The following KLHL42 variants were observed in gnomAD, a reference collection of about 807,000 sequenced individuals.
KLHL42 encodes kelch like family member 42, also known as kelch-like protein 42.
In KLHL42, 27 loss-of-function variants were observed where a neutral mutation model predicts 32.7. That is an observed-to-expected ratio of 0.83 (90% CI 0.61 to 1.14). KLHL42 has a LOEUF of 1.14. Among genes scored for constraint, KLHL42 ranks in the 50% most tolerant of loss-of-function variants. The probability of loss-of-function intolerance (pLI) is 0.00; values close to 1 mark genes in which losing one functional copy is unlikely to be tolerated. For missense variants in KLHL42, 491 were observed against 560.8 expected (o/e 0.88, Z 1.26); for synonymous variants, 267 against 248.2 (o/e 1.08, Z -0.71).
rs576649164 is a variant in KLHL42, at chr12:27,798,985, A to T, written c.*819A>T. The T allele has an allele frequency of 1.0e-4, 16 of 152,708 alleles. No homozygotes were observed. In the South Asian group the frequency reaches 3.3e-3, roughly 32 times the overall value. 9.5% of individuals were successfully genotyped at this position (152,708 alleles called of 1,614,324 possible). A position where few individuals can be genotyped will look rare whatever the true frequency, so the allele number is the denominator to read the frequency against. ...AATATTATTAAAAATTGAGTCTTAA[A>T]TTTAAATGGGAAGGGAAGAAAACAC... On this transcript the variant is annotated 3_prime_UTR_variant, in exon 3 of 3. Coordinates refer to ENST00000381271, the MANE Select transcript of KLHL42 (RefSeq NM_020782.2).
intron 2 of KLHL42, among the ~76,000 whole-genome samples, chr12:27,793,115 A>G (rs1305735468): frequency 6.6e-6 from 1 of 152,164 alleles, no homozygotes; most frequent in Admixed American, 6.5e-5. Flanking sequence ...ATAGAGAACA[A>G]TGTAGTTGTT....
chr12:27,797,135 A>AAC (rs2062222430), intron 2 of KLHL42: 4 of 336,002 alleles, frequency 1.2e-5, no homozygotes, highest in Non-Finnish European at 2.4e-5. Flanking sequence ...AAAAAAAAAC[A>AAC]AAAAAAAAAC....
intron 2 of KLHL42, among the ~76,000 whole-genome samples, chr12:27,793,235 C>T (rs984427035): frequency 3.3e-5 from 5 of 151,834 alleles, no homozygotes; most frequent in African/African-American, 1.2e-4. Flanking sequence ...AGCAAGACAC[C>T]TTCTCTAAAA....
Position 27,800,703 on chromosome 12 carries a change from G to T in KLHL42, c.*2537G>T. ...AGCCTGGGCGACAGTGCAAGACTCTGTCTCCAAAAAAAAAAAAAGAAAAAA... is the reference window on the plus strand; with the variant it reads ...AGCCTGGGCGACAGTGCAAGACTCTTTCTCCAAAAAAAAAAAAAGAAAAAA... On this transcript the variant is annotated 3_prime_UTR_variant, in exon 3 of 3. Transcript: ENST00000381271. 1 of 146,946 alleles carries T rather than the reference G, an allele frequency of 6.8e-6. No individual in the cohort carries two copies. The highest frequency in any genetic ancestry group is 1.5e-5 in the Non-Finnish European group (1 of 67,442). 9.1% of individuals were successfully genotyped at this position (146,946 alleles called of 1,614,324 possible). A position where few individuals can be genotyped will look rare whatever the true frequency, so the allele number is the denominator to read the frequency against.
Position 27,780,378 on chromosome 12 carries a change from C to G in KLHL42, c.48C>G (p.Tyr16Ter), listed in dbSNP as rs763009034. Residue 16 changes from tyrosine to a stop codon, truncating the protein, a stop_gained, in exon 1 of 3, where the codon TAC (tyrosine) becomes TAG (stop). Transcript: ENST00000381271. LOFTEE classifies it high-confidence loss of function. The surrounding 1 kb of genome is among the most constrained non-coding windows in gnomAD (Gnocchi z 8.8). ...AGATCCGCCTGGAGGACCGCTGCTA[C>G]CCGGTGAGCAAGAGGAAGCTCATCG... ...MVQIRLEDRCYPVSKRKLIEQ... is the reference protein window; with the variant it reads ...MVQIRLEDRC The G allele has an allele frequency of 1.9e-6, 3 of 1,581,690 alleles. No homozygotes were observed. The highest frequency in any genetic ancestry group is 2.6e-6 in the Non-Finnish European group (3 of 1,166,412).
chr12:27,800,031 C>G lies in KLHL42; in HGVS notation c.*1865C>G, dbSNP rs552834023. Reference sequence around the variant, plus strand: ...TTTCCAGTGACCTGTAATTTCATTACATATATTTTAAAATCTATTTATTTT... The same window carrying G: ...TTTCCAGTGACCTGTAATTTCATTAGATATATTTTAAAATCTATTTATTTT... On this transcript the variant is annotated 3_prime_UTR_variant, in exon 3 of 3. Coordinates refer to ENST00000381271, the MANE Select transcript of KLHL42 (RefSeq NM_020782.2). 2 of 926,516 alleles carry G rather than the reference C, an allele frequency of 2.2e-6. No homozygotes were observed. The highest frequency in any genetic ancestry group is 2.6e-6 in the Non-Finnish European group (2 of 776,380). The allele number at this position is 926,516 out of a possible 1,614,324, so 57.4% of individuals were successfully genotyped here. A position where few individuals can be genotyped will look rare whatever the true frequency, so the allele number is the denominator to read the frequency against.
Position 27,780,782 on chromosome 12 carries a change from G to C in KLHL42, c.452G>C (p.Arg151Pro), listed in dbSNP as rs1453186931. Residue 151 changes from arginine (R) to proline (P), a missense_variant, in exon 1 of 3, where the codon CGC (arginine) becomes CCC (proline). Arg to Pro is a moderately radical substitution (Grantham distance 103). Around this residue, in one of 4 missense-constraint regions of KLHL42, gnomAD observed 248 missense variants for 329.2 expected, o/e 0.75. Coordinates refer to ENST00000381271, the MANE Select transcript of KLHL42 (RefSeq NM_020782.2). The surrounding 1 kb of genome is among the most constrained non-coding windows in gnomAD (Gnocchi z 8.8). Reference protein sequence around the residue: ...GLPDLQEACLRFMVVHFHEVL... With the variant: ...GLPDLQEACLPFMVVHFHEVL... ...CCCGACCTGCAGGAGGCCTGCCTGC[G>C]CTTCATGGTCGTCCACTTCCACGAG... The C allele has an allele frequency of 6.2e-7, 1 of 1,613,634 alleles. No homozygotes were observed. The highest frequency in any genetic ancestry group is 8.5e-7 in the Non-Finnish European group (1 of 1,180,020).
intron 2 of KLHL42, 132 bp from the exon 3 acceptor site, chr12:27,797,583 A>G (rs1565485001): frequency 1.5e-6 from 1 of 653,352 alleles, no homozygotes; most frequent in East Asian, 2.5e-5. Context: ...CTGTTTTTCT[A>G]ACTTGTGCTT....
intron 1 of KLHL42, among the ~76,000 whole-genome samples, chr12:27,789,069 G>A (rs934716504): frequency 1.3e-5 from 2 of 152,226 alleles, no homozygotes; most frequent in South Asian, 4.1e-4. Context: ...CACAGTCAGT[G>A]ACTGTTGCAG....
rs148784628 is a variant in KLHL42, at chr12:27,790,528, G to A, written c.873-1180G>A. On this transcript the variant is annotated intron_variant, in intron 1 of 2. Transcript: ENST00000381271. ...AGTTTATCCTTCCTGCCTTTTGTGTGCTATATCGAAACAAATTAATTTTGT... is the reference window on the plus strand; with the variant it reads ...AGTTTATCCTTCCTGCCTTTTGTGTACTATATCGAAACAAATTAATTTTGT... 1.7e-3 allele frequency among the ~76,000 whole-genome samples: 254 copies of A among 152,292 alleles called. 1 individual carries two copies. The highest frequency in any genetic ancestry group is 5.9e-3 in the African/African-American group (245 of 41,552).
Position 27,795,054 on chromosome 12 carries a change from CGT to C in KLHL42, c.1067-2650_1067-2649del, listed in dbSNP as rs763134827. Among the ~76,000 whole-genome samples, 386 of 152,038 alleles carry C rather than the reference CGT, an allele frequency of 2.5e-3. 2 individuals are homozygous for C. Among genetic ancestry groups the C allele is most frequent in the African/African-American group, 8.9e-3 (367 of 41,458 alleles). Reference sequence around the variant, plus strand: ...TGTTTATGTAGTAATCCCCCTCTCTCGTGTGTGTGTGTATATGTGTGTGTCTT... The same window carrying C: ...TGTTTATGTAGTAATCCCCCTCTCTCGTGTGTGTGTATATGTGTGTGTCTT... On this transcript the variant is annotated intron_variant, in intron 2 of 2. Coordinates refer to ENST00000381271, the MANE Select transcript of KLHL42 (RefSeq NM_020782.2).
At position 27,799,213 on chromosome 12, in the gene KLHL42, T is replaced by C. The variant is rs1456912157; in HGVS notation, c.*1047T>C. On this transcript the variant is annotated 3_prime_UTR_variant, in exon 3 of 3. Transcript: ENST00000381271. ...TTGTGCTGGAGTGAGGGGAAGAAGCTGTTACAGAAGTGGAATGGTTTCTGG... is the reference window on the plus strand; with the variant it reads ...TTGTGCTGGAGTGAGGGGAAGAAGCCGTTACAGAAGTGGAATGGTTTCTGG... The C allele has an allele frequency of 6.6e-6, 1 of 152,212 alleles. No homozygotes were observed. The highest frequency in any genetic ancestry group is 2.4e-5 in the African/African-American group (1 of 41,444). The allele number at this position is 152,212 out of a possible 1,614,324, so 9.4% of individuals were successfully genotyped here.
At chr12:27,788,765 A>G (rs1452762353) in intron 1 of KLHL42, among the ~76,000 whole-genome samples, 3 of 152,206 alleles carry the variant, frequency 2.0e-5, no homozygotes, top group Admixed American at 2.0e-4. Flanking sequence ...GTTTTATCCA[A>G]TTTTCTCACT....
At chr12:27,783,775 G>C (rs542827564) in intron 1 of KLHL42, among the ~76,000 whole-genome samples, 90 of 152,078 alleles carry the variant, frequency 5.9e-4, no homozygotes, top group African/African-American at 2.0e-3. Flanking sequence ...TAGTAGAGAC[G>C]GGGTTTCACT....
rs1241872783 is a variant in KLHL42 at position 27,802,213 on chromosome 12, CTT to C, written c.*4049_*4050del. 1 of 152,066 alleles carries C rather than the reference CTT, an allele frequency of 6.6e-6. No individual in the cohort carries two copies. The highest frequency in any genetic ancestry group is 1.5e-5 in the Non-Finnish European group (1 of 68,026). The allele number at this position is 152,066 out of a possible 1,614,324, so 9.4% of individuals were successfully genotyped here. On this transcript the variant is annotated 3_prime_UTR_variant, in exon 3 of 3. Transcript: ENST00000381271. ...TGAAAAAGTGAAAATCACATATAATCTTTATTTAAAAATGCTCACCAAGCACT... is the reference window on the plus strand; with the variant it reads ...TGAAAAAGTGAAAATCACATATAATCTATTTAAAAATGCTCACCAAGCACT...
rs2062245836 is a variant in KLHL42 at position 27,801,186 on chromosome 12, G to C, written c.*3020G>C. On this transcript the variant is annotated 3_prime_UTR_variant, in exon 3 of 3. Transcript: ENST00000381271. ...TCTTAAGATTAGAATGAGAACCAAA[G>C]AGAATTTAACCCTGCCATTTTTTTT... The C allele has an allele frequency of 6.6e-6, 1 of 150,482 alleles. No individual in the cohort carries two copies. Among genetic ancestry groups the C allele is most frequent in the African/African-American group, 2.5e-5 (1 of 40,110 alleles). 9.3% of individuals were successfully genotyped at this position (150,482 alleles called of 1,614,324 possible). A position where few individuals can be genotyped will look rare whatever the true frequency, so the allele number is the denominator to read the frequency against.
At chr12:27,782,565 C>CA (rs1423596717) in intron 1 of KLHL42, among the ~76,000 whole-genome samples, 2 of 152,152 alleles carry the variant, frequency 1.3e-5, no homozygotes, top group East Asian at 3.9e-4. Context: ...AACAAAGGAA[C>CA]ATTGTGTGGC....
intron 1 of KLHL42, among the ~76,000 whole-genome samples, chr12:27,785,354 C>A (rs1462250156): frequency 6.6e-6 from 1 of 152,088 alleles, no homozygotes; most frequent in Non-Finnish European, 1.5e-5. Context: ...CATGCAACAC[C>A]ATGCTTGGTT....
In KLHL42 at chr12:27,801,515, T is replaced by C. The variant is rs2062247434; in HGVS notation, c.*3349T>C. 1 of 152,172 alleles carries C rather than the reference T, an allele frequency of 6.6e-6. No individual in the cohort carries two copies. The highest frequency in any genetic ancestry group is 1.5e-5 in the Non-Finnish European group (1 of 68,032). The allele number at this position is 152,172 out of a possible 1,614,324, so 9.4% of individuals were successfully genotyped here. A position where few individuals can be genotyped will look rare whatever the true frequency, so the allele number is the denominator to read the frequency against. Reference sequence around the variant, plus strand: ...GATCACTCAAGAGGCAGCATAGCAATGTAAAAGGAATATAAGTAGGTGTTG... The same window carrying C: ...GATCACTCAAGAGGCAGCATAGCAACGTAAAAGGAATATAAGTAGGTGTTG... On this transcript the variant is annotated 3_prime_UTR_variant, in exon 3 of 3. Transcript: ENST00000381271.
Sources: allele counts gnomAD v4.1 joint callset (sites outside exome capture counted in the v4.1 genomes callset), GRCh38; gene constraint gnomAD v4.1.1; regional missense constraint gnomAD v4.1.1; non-coding constraint Gnocchi (gnomAD v3.1); transcripts MANE v1.5; gene names NCBI Gene and HGNC (gene_info 2026-07-23, HGNC 2026-07-21).